UBE2E1: variants seen among roughly 807,000 people sequenced by gnomAD.
UBE2E1 encodes ubiquitin-conjugating enzyme E2 E1.
UBE2E1 carries 6 observed loss-of-function variants against 21.4 expected under a neutral mutation model. The ratio of observed to expected loss-of-function variants is 0.28; its 90% CI spans 0.15 to 0.55. The LOEUF (loss-of-function observed/expected upper bound fraction) is 0.55. UBE2E1 is among the 20% of genes least tolerant of loss of function. The pLI is 0.93. For synonymous variants in UBE2E1, 87 were observed against 82.7 expected (o/e 1.05, Z -0.28); for missense variants, 142 against 236.5 (o/e 0.60, Z 2.62).
intron 3 of UBE2E1, among the ~76,000 whole-genome samples, chr3:23,885,721 A>G (rs1045614379): frequency 2.0e-5 from 3 of 152,124 alleles, no homozygotes; most frequent in African/African-American, 7.2e-5. Flanking sequence ...TTAGCCAGGC[A>G]TAATGGCGCA....
At chr3:23,868,810 G>A (rs182951438) in intron 3 of UBE2E1, among the ~76,000 whole-genome samples, 1 of 151,668 alleles carries the variant, frequency 6.6e-6, no homozygotes, top group Non-Finnish European at 1.5e-5. Context: ...TATTAAGTTC[G>A]GGTATATTTA....
intron 3 of UBE2E1, among the ~76,000 whole-genome samples, chr3:23,845,589 C>CTGTG (rs377458829): frequency 3.0e-4 from 36 of 121,354 alleles, no homozygotes; most frequent in South Asian, 1.3e-3. Context: ...CTCTCTCTCT[C>CTGTG]TGTGTGTGTG....
At chr3:23,875,074 A>G (rs1315889583) in intron 3 of UBE2E1, among the ~76,000 whole-genome samples, 1 of 152,136 alleles carries the variant, frequency 6.6e-6, no homozygotes, top group Non-Finnish European at 1.5e-5. Context: ...CCCTTTACTT[A>G]CAAGTTACTT....
intron 3 of UBE2E1, among the ~76,000 whole-genome samples, chr3:23,869,375 T>A (rs891438992): frequency 1.5e-5 from 2 of 131,994 alleles, no homozygotes; most frequent in African/African-American, 2.8e-5. Context: ...TTTTTTTTTT[T>A]AAGGATTTTC....
chr3:23,861,250 G>T (rs542369826), intron 3 of UBE2E1, among the ~76,000 whole-genome samples: 1 of 152,312 alleles, frequency 6.6e-6, no homozygotes, highest in African/African-American at 2.4e-5. Context: ...CTCTTGTCCA[G>T]GTTGTTAGAC....
intron 3 of UBE2E1, among the ~76,000 whole-genome samples, chr3:23,827,019 C>G (rs1699772174): frequency 6.6e-6 from 1 of 152,068 alleles, no homozygotes; most frequent in South Asian, 2.1e-4. Flanking sequence ...TCTCATGACT[C>G]CTCCCTCTCC....
rs1553637705 is a variant in UBE2E1 at position 23,842,198 on chromosome 3, G to GTGTGTGT, written c.203+30688_203+30689insTGTGTGT. ...TATGTCATGACCCAGTAAGTGAAGGGGTGTGTGTGTGTGTGTGTGTGTGTG... is the reference window on the plus strand; with the variant it reads ...TATGTCATGACCCAGTAAGTGAAGGGTGTGTGTGTGTGTGTGTGTGTGTGTGTGTGTG... On this transcript the variant is annotated intron_variant, in intron 3 of 5. Transcript: ENST00000306627. The surrounding 1 kb of genome is among the most constrained non-coding windows in gnomAD (Gnocchi z 4.6). 0.036 allele frequency among the ~76,000 whole-genome samples: 3,729 copies of GTGTGTGT among 104,294 alleles called. 183 individuals are homozygous for GTGTGTGT. The highest frequency in any genetic ancestry group is 0.044 in the Non-Finnish European group (2,235 of 50,846). 68.4% of individuals were successfully genotyped at this position (104,294 alleles called of 152,430 possible).
intron 3 of UBE2E1, among the ~76,000 whole-genome samples, chr3:23,824,685 A>G (rs796512059): frequency 4.6e-5 from 7 of 152,306 alleles, no homozygotes; most frequent in African/African-American, 1.7e-4. Context: ...GCTATGTTGG[A>G]TCTCAGTATA....
chr3:23,875,075 CAAGTTACTTGG>C (rs1226544968), intron 3 of UBE2E1, among the ~76,000 whole-genome samples: 6 of 152,174 alleles, frequency 3.9e-5, no homozygotes, highest in African/African-American at 1.2e-4. Context: ...CCTTTACTTA[CAAGTTACTTGG>C]AAGTAGTTTT....
intron 3 of UBE2E1, among the ~76,000 whole-genome samples, chr3:23,879,983 C>G (rs149541363): frequency 6.6e-6 from 1 of 152,204 alleles, no homozygotes; most frequent in Non-Finnish European, 1.5e-5. Flanking sequence ...CAGTGGCTCA[C>G]GCCTGTGAAT....
Position 23,876,440 on chromosome 3 carries a change from A to G in UBE2E1, c.204-11127A>G, listed in dbSNP as rs1217737479. Among the ~76,000 whole-genome samples the G allele has an allele frequency of 6.6e-6, 1 of 152,168 alleles. No individual in the cohort carries two copies. Among genetic ancestry groups the G allele is most frequent in the Non-Finnish European group, 1.5e-5 (1 of 68,028 alleles). On this transcript the variant is annotated intron_variant, in intron 3 of 5. Coordinates refer to ENST00000306627, the MANE Select transcript of UBE2E1 (RefSeq NM_003341.5). The surrounding 1 kb of genome is among the most constrained non-coding windows in gnomAD (Gnocchi z 4.3). Reference sequence around the variant, plus strand: ...AATGTACCAAGTAGATCTCATGGAGAAGGCAGCTTTCACCCAGTATCTCTG... The same window carrying G: ...AATGTACCAAGTAGATCTCATGGAGGAGGCAGCTTTCACCCAGTATCTCTG...
At chr3:23,814,631 C>T (rs1372090430) in intron 3 of UBE2E1, among the ~76,000 whole-genome samples, 1 of 152,256 alleles carries the variant, frequency 6.6e-6, no homozygotes, top group East Asian at 1.9e-4. Context: ...TTCCCTAAAG[C>T]GTGCCAGATC....
intron 3 of UBE2E1, among the ~76,000 whole-genome samples, chr3:23,841,373 T>A (rs1013110145): frequency 2.0e-5 from 3 of 152,138 alleles, no homozygotes; most frequent in African/African-American, 4.8e-5. Context: ...GTTTTTTTTT[T>A]AAGAATAGAT....
chr3:23,872,933 C>T (rs1303285455), intron 3 of UBE2E1, among the ~76,000 whole-genome samples: 1 of 151,894 alleles, frequency 6.6e-6, no homozygotes, highest in Non-Finnish European at 1.5e-5. Context: ...AGGAGAATTG[C>T]TTGAACCTGG....
At chr3:23,855,976 G>A (rs190886695) in intron 3 of UBE2E1, among the ~76,000 whole-genome samples, 1 of 152,336 alleles carries the variant, frequency 6.6e-6, no homozygotes, top group East Asian at 1.9e-4. Flanking sequence ...GGAAACTGAG[G>A]ACTGAACTGG....
At chr3:23,866,915 G>A (rs184035315) in intron 3 of UBE2E1, among the ~76,000 whole-genome samples, 1 of 152,112 alleles carries the variant, frequency 6.6e-6, no homozygotes, top group South Asian at 2.1e-4. Flanking sequence ...CTTTTGTGTT[G>A]AGTCCAAAGA....
intron 3 of UBE2E1, among the ~76,000 whole-genome samples, chr3:23,869,056 TGC>T (rs1700720537): frequency 6.6e-6 from 1 of 152,198 alleles, no homozygotes; most frequent in Non-Finnish European, 1.5e-5. Flanking sequence ...TATAGTCACA[TGC>T]ACGTGTCCAG....
chr3:23,883,401 T>G (rs947878195), intron 3 of UBE2E1, among the ~76,000 whole-genome samples: 4 of 152,264 alleles, frequency 2.6e-5, no homozygotes, highest in African/African-American at 9.6e-5. Context: ...GACACTGGCC[T>G]TCTTATAGAG....
intron 3 of UBE2E1, among the ~76,000 whole-genome samples, chr3:23,845,619 G>GTA (rs1700187329): frequency 6.6e-6 from 1 of 151,144 alleles, no homozygotes; most frequent in Non-Finnish European, 1.5e-5. Context: ...GTGTGTGTAT[G>GTA]TGTGTGTATG....
Sources: allele counts gnomAD v4.1 joint callset (sites outside exome capture counted in the v4.1 genomes callset), GRCh38; gene constraint gnomAD v4.1.1; non-coding constraint Gnocchi (gnomAD v3.1); transcripts MANE v1.5; gene names NCBI Gene and HGNC (gene_info 2026-07-23, HGNC 2026-07-21).